Variants in TRIM2 observed in about 807,000 individuals in gnomAD.
TRIM2 encodes the protein tripartite motif-containing protein 2.
A neutral mutation model predicts 75.2 loss-of-function variants in TRIM2; 20 were observed. The ratio of observed to expected loss-of-function variants is 0.27; its 90% CI spans 0.19 to 0.39. The LOEUF (loss-of-function observed/expected upper bound fraction) is 0.39. TRIM2 is among the 10% of genes least tolerant of loss of function. The pLI is 1.00. For synonymous variants in TRIM2, 373 were observed against 388.3 expected (o/e 0.96, Z 0.46); for missense variants, 660 against 990.8 (o/e 0.67, Z 4.48).
chr4:153,274,241 C>A (rs897873578), intron 2 of TRIM2, among the ~76,000 whole-genome samples: 1 of 151,962 alleles, frequency 6.6e-6, no homozygotes, highest in East Asian at 1.9e-4. Context: ...TTAGAGGGTA[C>A]AAGGATGGTT....
chr4:153,237,811 GTTATACAAATA>G (rs199845378), intron 1 of TRIM2, among the ~76,000 whole-genome samples: 5,578 of 152,152 alleles, frequency 0.037, 267 homozygotes, highest in African/African-American at 0.11. Flanking sequence ...TATACAAATG[GTTATACAAATA>G]TTATACAAAT....
Position 153,315,693 on chromosome 4 carries a change from G to C in TRIM2, c.1614+105G>C, listed in dbSNP as rs755313323. 42 of 1,444,108 alleles carry C rather than the reference G, an allele frequency of 2.9e-5. No homozygotes were observed. The African/African-American group carries it at 5.6e-4, about 19-fold the overall frequency. 89.5% of individuals were successfully genotyped at this position (1,444,108 alleles called of 1,614,324 possible). On this transcript the variant is annotated intron_variant, in intron 7 of 11. Coordinates refer to ENST00000338700, the MANE Select transcript of TRIM2 (RefSeq NM_015271.5). ...TCAGATACATGGTGTAAGGAAAAAAGCTTATGTTTATGTAGACTTTTCTTC... is the reference window on the plus strand; with the variant it reads ...TCAGATACATGGTGTAAGGAAAAAACCTTATGTTTATGTAGACTTTTCTTC...
rs368724428 is a variant in TRIM2 at position 153,249,282 on chromosome 4, G to T, written c.31-21053G>T. ...CCGCCTTCTTTTCTTCCGCCTGAGC[G>T]CAGCTCGGCTCCCGCCTCGGGGCGG... is the stretch of plus-strand genomic sequence containing the variant. On this transcript the variant is annotated intron_variant, in intron 1 of 11. Transcript: ENST00000338700. Among the ~76,000 whole-genome samples, 12 of 152,358 alleles carry T rather than the reference G, an allele frequency of 7.9e-5. No individual in the cohort carries two copies. The East Asian group carries it at 2.3e-3, about 29-fold the overall frequency.
intron 1 of TRIM2, among the ~76,000 whole-genome samples, chr4:153,193,253 T>C (rs28712024): frequency 3.4e-4 from 50 of 147,354 alleles, no homozygotes; most frequent in African/African-American, 1.2e-3. Context: ...TGCCTCAGCC[T>C]CCTGAGTAGC....
At chr4:153,308,309 C>T in intron 6 of TRIM2, 1 of 1,490,266 alleles carries the variant, frequency 6.7e-7, no homozygotes, top group Admixed American at 1.7e-5. Flanking sequence ...CCAGATCAGT[C>T]TTGTACATTT....
At chr4:153,282,528 A>C (rs1022791521) in intron 3 of TRIM2, among the ~76,000 whole-genome samples, 1 of 152,224 alleles carries the variant, frequency 6.6e-6, no homozygotes, top group African/African-American at 2.4e-5. Flanking sequence ...CCCTTTCTCT[A>C]CAAAAGTAAA....
chr4:153,313,996 A>G (rs1018621159), intron 6 of TRIM2, among the ~76,000 whole-genome samples: 2 of 151,932 alleles, frequency 1.3e-5, no homozygotes, highest in Non-Finnish European at 2.9e-5. Flanking sequence ...CTCTCTCTCT[A>G]TGAAAAATTT....
chr4:153,154,153 G>A (rs1201243748), intron 1 of TRIM2, among the ~76,000 whole-genome samples: 1 of 152,182 alleles, frequency 6.6e-6, no homozygotes, highest in Non-Finnish European at 1.5e-5. Flanking sequence ...TCCGAGGAGC[G>A]TTTCACAGAG....
At chr4:153,319,737 A>T (rs141215554) in intron 8 of TRIM2, among the ~76,000 whole-genome samples, 2,031 of 151,812 alleles carry the variant, frequency 0.013, 27 homozygotes, top group African/African-American at 0.044. Context: ...TCTCAAAAAA[A>T]AAATATATAT....
intron 6 of TRIM2, among the ~76,000 whole-genome samples, chr4:153,307,636 G>A (rs545357587): frequency 9.2e-5 from 14 of 152,204 alleles, no homozygotes; most frequent in Admixed American, 8.5e-4. Context: ...AATGAGGTTG[G>A]GGGCAATGCT....
At chr4:153,285,655 A>T (rs1166548398) in intron 3 of TRIM2, among the ~76,000 whole-genome samples, 2 of 152,072 alleles carry the variant, frequency 1.3e-5, no homozygotes, top group African/African-American at 4.8e-5. Flanking sequence ...CTTTTGGATT[A>T]TTCATTGTTA....
chr4:153,332,416 G>A (rs1056991329), intron 11 of TRIM2, among the ~76,000 whole-genome samples: 1 of 152,264 alleles, frequency 6.6e-6, no homozygotes, highest in South Asian at 2.1e-4. Context: ...AGGCCAAGGC[G>A]GGTGGATGAC....
At chr4:153,193,564 T>C (rs1481453660) in intron 1 of TRIM2, among the ~76,000 whole-genome samples, 1 of 152,184 alleles carries the variant, frequency 6.6e-6, no homozygotes, top group African/African-American at 2.4e-5. Flanking sequence ...TAAACACTGT[T>C]CTAAATGATT....
At chr4:153,313,560 C>T (rs1251325934) in intron 6 of TRIM2, among the ~76,000 whole-genome samples, 1 of 151,860 alleles carries the variant, frequency 6.6e-6, no homozygotes, top group Non-Finnish European at 1.5e-5. Context: ...TAGCCACCAC[C>T]AGTGCATCCT....
At chr4:153,267,826 G>C (rs1755659524) in intron 1 of TRIM2, among the ~76,000 whole-genome samples, 1 of 151,090 alleles carries the variant, frequency 6.6e-6, no homozygotes, top group South Asian at 2.1e-4. Context: ...CACCCAACAG[G>C]TTCACCTCGC....
At chr4:153,226,882 C>CCCAT (rs1560844274) in intron 1 of TRIM2, among the ~76,000 whole-genome samples, 2 of 152,220 alleles carry the variant, frequency 1.3e-5, no homozygotes, top group African/African-American at 2.4e-5. Flanking sequence ...AATTTTCAAG[C>CCCAT]CCATGCCCCA....
intron 1 of TRIM2, among the ~76,000 whole-genome samples, chr4:153,178,924 G>T (rs926217987): frequency 6.6e-6 from 1 of 152,162 alleles, no homozygotes; most frequent in Non-Finnish European, 1.5e-5. Context: ...AAGTTGTCAG[G>T]TCTCAAGCTC....
chr4:153,289,929 A>G (rs1161166585), intron 3 of TRIM2, among the ~76,000 whole-genome samples: 3 of 152,216 alleles, frequency 2.0e-5, no homozygotes, highest in African/African-American at 7.2e-5. Flanking sequence ...GTCTTTTCAC[A>G]TTCTGTTTTT....
intron 10 of TRIM2, 61 bp from the exon 11 acceptor site, chr4:153,328,468 TC>T (rs1352046335): frequency 1.5e-5 from 22 of 1,420,384 alleles, no homozygotes; most frequent in Non-Finnish European, 2.1e-5. Flanking sequence ...ATTTTTTTAA[TC>T]CATCATGTTG....
Sources: gnomAD v4.1 joint callset for allele counts (sites outside exome capture counted in the v4.1 genomes callset) on GRCh38, gnomAD v4.1.1 for gene constraint, MANE v1.5 for transcripts, NCBI Gene and HGNC (gene_info 2026-07-23, HGNC 2026-07-21) for gene names.